Variants in GABRG3 observed in about 807,000 individuals in gnomAD.
GABRG3 encodes the protein gamma-aminobutyric acid receptor subunit gamma-3.
GABRG3 carries 25 observed loss-of-function variants against 48.8 expected under a neutral mutation model. The observed-to-expected ratio is 0.51, with a 90% CI of 0.37 to 0.72. GABRG3 has a LOEUF of 0.72. Among genes scored for constraint, GABRG3 ranks in the 30% least tolerant of loss-of-function variants. The pLI is 0.00. For missense variants in GABRG3, 394 were observed against 577.9 expected (o/e 0.68, Z 3.26); for synonymous variants, 227 against 217.6 (o/e 1.04, Z -0.38).
At chr15:26,996,648 AT>A (rs1379379556) in intron 2 of GABRG3, among the ~76,000 whole-genome samples, 9 of 145,120 alleles carry the variant, frequency 6.2e-5, no homozygotes, top group African/African-American at 1.8e-4. Flanking sequence ...TTATTTATTT[AT>A]TTTATTTTAA....
chr15:27,151,646 G>A (rs1331597564), intron 3 of GABRG3, among the ~76,000 whole-genome samples: 2 of 152,166 alleles, frequency 1.3e-5, no homozygotes, highest in African/African-American at 4.8e-5. Context: ...GGGAAAGAGA[G>A]TAAAGGGAGA....
intron 5 of GABRG3, among the ~76,000 whole-genome samples, chr15:27,417,202 C>T (rs114588243): frequency 0.014 from 2,105 of 152,164 alleles, 46 homozygotes; most frequent in African/African-American, 0.047. Flanking sequence ...GGCCCAGGAG[C>T]TGTGGGTGCT....
intron 3 of GABRG3, among the ~76,000 whole-genome samples, chr15:27,091,175 G>T (rs1010936195): frequency 6.6e-6 from 1 of 152,084 alleles, no homozygotes; most frequent in African/African-American, 2.4e-5. Context: ...CTAGTTTATT[G>T]AGTTAATTTT....
intron 3 of GABRG3, among the ~76,000 whole-genome samples, chr15:27,284,022 C>G (rs1464802948): frequency 2.6e-5 from 4 of 152,126 alleles, no homozygotes; most frequent in Non-Finnish European, 5.9e-5. Flanking sequence ...AAAGAACTCA[C>G]CTCATCTGTA....
intron 5 of GABRG3, among the ~76,000 whole-genome samples, chr15:27,358,452 T>G (rs1894913412): frequency 6.6e-6 from 1 of 151,908 alleles, no homozygotes; most frequent in Non-Finnish European, 1.5e-5. Context: ...TGCTGCTGAG[T>G]CAAGACGGGG....
At position 27,322,989 on chromosome 15, in the gene GABRG3, G is replaced by A. The variant is rs191975481; in HGVS notation, c.271-3820G>A. On this transcript the variant is annotated intron_variant, in intron 3 of 9. Transcript: ENST00000615808. Reference sequence around the variant, plus strand: ...CCTCCTGGGAGGGATGCTAGAACACGCCTTCCATCCAGCTCTGTGTTCTCC... The same window carrying A: ...CCTCCTGGGAGGGATGCTAGAACACACCTTCCATCCAGCTCTGTGTTCTCC... Among the ~76,000 whole-genome samples the A allele has an allele frequency of 5.9e-5, 9 of 152,184 alleles. No individual in the cohort carries two copies. In the East Asian group the frequency reaches 1.7e-3, roughly 29 times the overall value.
At chr15:27,491,168 C>A (rs1890344875) in intron 6 of GABRG3, among the ~76,000 whole-genome samples, 1 of 152,222 alleles carries the variant, frequency 6.6e-6, no homozygotes. Flanking sequence ...TGGGTGGAAG[C>A]ATGCAAGCCC....
rs139626731 is a variant in GABRG3, at chr15:27,066,878, C to G, written c.270+40057C>G. 2.7e-4 allele frequency among the ~76,000 whole-genome samples: 41 copies of G among 152,276 alleles called. No individual in the cohort carries two copies. The East Asian group carries it at 5.8e-3, about 21-fold the overall frequency. ...AGAATATCACATAGATACACTGCTG[C>G]TATCTGTAATGCTGAGAAATAGAAT... On this transcript the variant is annotated intron_variant, in intron 3 of 9. Transcript: ENST00000615808.
chr15:27,442,974 G>A (rs1888835713), intron 5 of GABRG3, among the ~76,000 whole-genome samples: 1 of 152,206 alleles, frequency 6.6e-6, no homozygotes, highest in Non-Finnish European at 1.5e-5. Flanking sequence ...TGGCACCAGA[G>A]CTTGGCCCTC....
intron 3 of GABRG3, among the ~76,000 whole-genome samples, chr15:27,039,464 G>A (rs868859291): frequency 2.0e-5 from 3 of 152,156 alleles, no homozygotes; most frequent in African/African-American, 7.2e-5. Flanking sequence ...ACCACGGAGT[G>A]GCCTTAGGTC....
intron 2 of GABRG3, among the ~76,000 whole-genome samples, chr15:27,008,843 G>A (rs955864874): frequency 5.3e-5 from 8 of 152,286 alleles, no homozygotes; most frequent in African/African-American, 1.4e-4. Context: ...CAGCTGAGGC[G>A]ATGATGGGTG....
At chr15:27,468,633 A>G (rs747725476) in intron 5 of GABRG3, among the ~76,000 whole-genome samples, 11 of 152,118 alleles carry the variant, frequency 7.2e-5, no homozygotes, top group Non-Finnish European at 1.5e-4. Context: ...TTGTGACCAC[A>G]CTGTATTACT....
chr15:27,222,009 C>A (rs1027300825), intron 3 of GABRG3, among the ~76,000 whole-genome samples: 1 of 152,166 alleles, frequency 6.6e-6, no homozygotes, highest in Non-Finnish European at 1.5e-5. Flanking sequence ...TTTTAAAAAT[C>A]TTTAATATAT....
chr15:27,173,727 T>G (rs62002626), intron 3 of GABRG3, among the ~76,000 whole-genome samples: 1 of 148,048 alleles, frequency 6.8e-6, no homozygotes, highest in Non-Finnish European at 1.5e-5. Context: ...AAAAAAAAAT[T>G]AAACATTAGT....
At chr15:27,509,468 A>T (rs1035186361) in intron 6 of GABRG3, among the ~76,000 whole-genome samples, 1 of 152,190 alleles carries the variant, frequency 6.6e-6, no homozygotes, top group African/African-American at 2.4e-5. Context: ...GAATTCAAAT[A>T]ATATGTATAT....
In GABRG3 at chr15:27,273,769, T is replaced by C. The variant is rs528369464; in HGVS notation, c.271-53040T>C. ...TGAATGACTGAAACATTTTCCCGAG[T>C]ATAATCCTAATCACATTTCCCAGAC... is the stretch of plus-strand genomic sequence containing the variant. On this transcript the variant is annotated intron_variant, in intron 3 of 9. Transcript: ENST00000615808. 9.2e-5 allele frequency among the ~76,000 whole-genome samples: 14 copies of C among 152,314 alleles called. No individual in the cohort carries two copies. In the South Asian group the frequency reaches 2.7e-3, roughly 29 times the overall value.
chr15:27,292,065 G>C (rs1166386180), intron 3 of GABRG3, among the ~76,000 whole-genome samples: 1 of 152,164 alleles, frequency 6.6e-6, no homozygotes, highest in African/African-American at 2.4e-5. Context: ...GTATTAGTTT[G>C]CTGAGAATGA....
chr15:27,452,040 G>A (rs924972074), intron 5 of GABRG3, among the ~76,000 whole-genome samples: 1 of 152,118 alleles, frequency 6.6e-6, no homozygotes, highest in African/African-American at 2.4e-5. Context: ...TGTCAAATTG[G>A]AAGAAAATTT....
chr15:27,091,749 G>T (rs945564694), intron 3 of GABRG3, among the ~76,000 whole-genome samples: 18 of 152,238 alleles, frequency 1.2e-4, no homozygotes, highest in Non-Finnish European at 4.4e-5. Flanking sequence ...GGTTCCTTGG[G>T]TATAAGATCC....
Sources: allele counts gnomAD v4.1 joint callset (sites outside exome capture counted in the v4.1 genomes callset), GRCh38; gene constraint gnomAD v4.1.1; transcripts MANE v1.5; gene names NCBI Gene and HGNC (gene_info 2026-07-23, HGNC 2026-07-21).